MTREX: variants seen among roughly 807,000 people sequenced by gnomAD.
The protein encoded by MTREX is Mtr4 exosome RNA helicase.
MTREX carries 76 observed loss-of-function variants against 135.4 expected under a neutral mutation model. That is an observed-to-expected ratio of 0.56 (90% CI 0.47 to 0.68). MTREX has a LOEUF of 0.68. Ranked by LOEUF, MTREX falls within the 30% of genes least tolerant of loss-of-function variation. The pLI is 0.00. For synonymous variants in MTREX, 404 were observed against 401.6 expected (o/e 1.01, Z -0.07); for missense variants, 920 against 1,262.1 (o/e 0.73, Z 4.11).
At chr5:55,331,132 C>T (rs1425449664) in intron 5 of MTREX, among the ~76,000 whole-genome samples, 2 of 151,796 alleles carry the variant, frequency 1.3e-5, no homozygotes, top group African/African-American at 4.8e-5. Context: ...CTTTTAATAT[C>T]CCTGTTTACT....
At chr5:55,420,244 A>G (rs1024964734) in intron 25 of MTREX, among the ~76,000 whole-genome samples, 1 of 152,210 alleles carries the variant, frequency 6.6e-6, no homozygotes, top group Non-Finnish European at 1.5e-5. Context: ...GGGTCAGAGC[A>G]TGAACTGTAG....
At chr5:55,366,898 G>A in intron 16 of MTREX, 23 bp downstream of exon 16, 1 of 1,565,192 alleles carries the variant, frequency 6.4e-7, no homozygotes. Context: ...TACCATAACA[G>A]AGCTTAGTGT....
At position 55,400,316 on chromosome 5, in the gene MTREX, AG is replaced by A; in HGVS notation, c.2377del (p.Val793SerfsTer5). On this transcript the variant is annotated frameshift_variant, in exon 21 of 27. Transcript: ENST00000230640. LOFTEE classifies it high-confidence loss of function. ...GCATTCAAGATCAAGGGCTGAAAAA[AG>A]TCATTCAGAAAGTAGAAGCTTTTGA... is the stretch of plus-strand genomic sequence containing the variant. ...MGIQDQGLKK[V>X]IQKVEAFEHR... The A allele has an allele frequency of 6.2e-7, 1 of 1,613,600 alleles. No homozygotes were observed. The highest frequency in any genetic ancestry group is 8.5e-7 in the Non-Finnish European group (1 of 1,179,718).
At chr5:55,399,081 G>C (rs1047343285) in intron 20 of MTREX, among the ~76,000 whole-genome samples, 2 of 152,120 alleles carry the variant, frequency 1.3e-5, no homozygotes, top group African/African-American at 4.8e-5. Context: ...CAGTGACTCA[G>C]TTTCTTTATA....
chr5:55,413,131 G>A (rs542595766), intron 23 of MTREX, among the ~76,000 whole-genome samples: 2 of 152,038 alleles, frequency 1.3e-5, no homozygotes, highest in East Asian at 3.9e-4. Flanking sequence ...CATGAGGTCA[G>A]GAGTCGACAC....
chr5:55,393,491 A>AT (rs555272999), intron 19 of MTREX, among the ~76,000 whole-genome samples: 90 of 152,332 alleles, frequency 5.9e-4, no homozygotes, highest in African/African-American at 2.1e-3. Flanking sequence ...CAAAAACCAT[A>AT]TTTTGTTTCA....
intron 1 of MTREX, among the ~76,000 whole-genome samples, chr5:55,312,381 A>T (rs1749127883): frequency 6.6e-6 from 1 of 151,224 alleles, no homozygotes; most frequent in Non-Finnish European, 1.5e-5. Flanking sequence ...GTGGATTTTT[A>T]TATATTTACT....
intron 11 of MTREX, among the ~76,000 whole-genome samples, chr5:55,347,576 CTCAA>C (rs949515097): frequency 9.8e-5 from 15 of 152,310 alleles, no homozygotes; most frequent in African/African-American, 2.9e-4. Context: ...TTTTGTAATT[CTCAA>C]TCAAAGTGAT....
chr5:55,386,103 G>A (rs1750474500), intron 18 of MTREX, among the ~76,000 whole-genome samples: 1 of 152,150 alleles, frequency 6.6e-6, no homozygotes, highest in Non-Finnish European at 1.5e-5. Flanking sequence ...CTTGCCAGAG[G>A]CAGAGGGAGT....
At chr5:55,398,559 T>C (rs774145807) in intron 20 of MTREX, among the ~76,000 whole-genome samples, 58 of 152,348 alleles carry the variant, frequency 3.8e-4, no homozygotes, top group Non-Finnish European at 6.5e-4. Flanking sequence ...TCATTGAAAT[T>C]GTTTTTTCTG....
At position 55,425,076 on chromosome 5, in the gene MTREX, C is replaced by A. The variant is rs566389939; in HGVS notation, c.*304C>A. On this transcript the variant is annotated 3_prime_UTR_variant, in exon 27 of 27. Coordinates refer to ENST00000230640, the MANE Select transcript of MTREX (RefSeq NM_015360.5). ...AACTATGTACACACAAAGTGTGCAT[C>A]CAAGAGGCATAGCAGCAGCAGAAGT... 2.0e-5 allele frequency: 25 copies of A among 1,233,284 alleles called. No individual in the cohort carries two copies. In the South Asian group the frequency reaches 3.3e-4, roughly 16 times the overall value. 76.4% of individuals were successfully genotyped at this position (1,233,284 alleles called of 1,614,324 possible). A position where few individuals can be genotyped will look rare whatever the true frequency, so the allele number is the denominator to read the frequency against.
intron 16 of MTREX, among the ~76,000 whole-genome samples, chr5:55,377,101 G>A (rs1158195626): frequency 2.6e-5 from 4 of 152,024 alleles, no homozygotes; most frequent in South Asian, 4.2e-4. Context: ...AGGCCGAGGC[G>A]GGTGGATCAT....
At chr5:55,366,914 G>GTCA in intron 16 of MTREX, 39 bp downstream of exon 16, 1 of 1,481,644 alleles carries the variant, frequency 6.7e-7, no homozygotes, top group Non-Finnish European at 9.1e-7. Flanking sequence ...AGTGTAGCTA[G>GTCA]GAGACTGACT....
chr5:55,419,775 A>G lies in MTREX; in HGVS notation c.2972-3103A>G, dbSNP rs559269149. 2.0e-5 allele frequency among the ~76,000 whole-genome samples: 3 copies of G among 152,292 alleles called. No homozygotes were observed. In the East Asian group the frequency reaches 5.8e-4, roughly 29 times the overall value. On this transcript the variant is annotated intron_variant, in intron 25 of 26. Coordinates refer to ENST00000230640, the MANE Select transcript of MTREX (RefSeq NM_015360.5). ...ACTATTTACTGTACCTCTGCCTGCC[A>G]TATGCTTTTTATTTTTTTTCAGTCC... is the stretch of plus-strand genomic sequence containing the variant.
intron 5 of MTREX, among the ~76,000 whole-genome samples, chr5:55,334,670 G>A (rs1368890602): frequency 1.3e-5 from 2 of 151,982 alleles, no homozygotes; most frequent in Non-Finnish European, 2.9e-5. Flanking sequence ...GTACAATTGT[G>A]CAACCCTTAC....
rs1749650539 is a variant in MTREX, at chr5:55,341,625, A to G, written c.691-56A>G. On this transcript the variant is annotated intron_variant, in intron 6 of 26. Transcript: ENST00000230640. ...TGTTGGAAAAAACAACTTTTCTCTAACTATTAGCTGTTATGTCAGAATCCA... is the reference window on the plus strand; with the variant it reads ...TGTTGGAAAAAACAACTTTTCTCTAGCTATTAGCTGTTATGTCAGAATCCA... 33 of 864,988 alleles carry G rather than the reference A, an allele frequency of 3.8e-5. No homozygotes were observed. The South Asian group carries it at 6.0e-4, about 16-fold the overall frequency. The allele number at this position is 864,988 out of a possible 1,614,324, so 53.6% of individuals were successfully genotyped here.
At chr5:55,346,430 T>G (rs1749734485) in intron 10 of MTREX, among the ~76,000 whole-genome samples, 1 of 152,242 alleles carries the variant, frequency 6.6e-6, no homozygotes, top group Non-Finnish European at 1.5e-5. Flanking sequence ...TTGCCCTGAT[T>G]TCCCATTTGG....
chr5:55,355,453 C>A (rs574194081), intron 14 of MTREX, among the ~76,000 whole-genome samples: 1 of 152,092 alleles, frequency 6.6e-6, no homozygotes, highest in Non-Finnish European at 1.5e-5. Flanking sequence ...GAAGGAGGCA[C>A]CTGGGGGATG....
intron 15 of MTREX, among the ~76,000 whole-genome samples, chr5:55,363,212 T>C (rs1343844239): frequency 6.6e-6 from 1 of 152,200 alleles, no homozygotes; most frequent in African/African-American, 2.4e-5. Context: ...ACAGGCCTTT[T>C]TTGAAGAAGT....
Sources: gnomAD v4.1 joint callset for allele counts (sites outside exome capture counted in the v4.1 genomes callset) on GRCh38, gnomAD v4.1.1 for gene constraint, MANE v1.5 for transcripts, NCBI Gene and HGNC (gene_info 2026-07-23, HGNC 2026-07-21) for gene names.